EYS: variants seen among roughly 807,000 people sequenced by gnomAD.
EYS encodes protein eyes shut homolog.
In EYS, 250 loss-of-function variants were observed where a neutral mutation model predicts 282.1. The ratio of observed to expected loss-of-function variants is 0.89; its 90% confidence interval spans 0.80 to 0.98. The LOEUF (loss-of-function observed/expected upper bound fraction) is 0.98. Among genes scored for constraint, EYS ranks in the 50% least tolerant of loss-of-function variants. The pLI is 0.00. For missense variants in EYS, 4,016 were observed against 3,709.0 expected (o/e 1.08, Z -2.15); for synonymous variants, 1,355 against 1,282.9 (o/e 1.06, Z -1.20).
Position 63,806,384 on chromosome 6 carries a change from C to A in EYS, c.7229-12G>T, listed in dbSNP as rs1770909927. The A allele has an allele frequency of 2.0e-6, 3 of 1,518,776 alleles. No homozygotes were observed. Among genetic ancestry groups the A allele is most frequent in the Non-Finnish European group, 2.7e-6 (3 of 1,129,210 alleles). The allele number at this position is 1,518,776 out of a possible 1,614,324, so 94.1% of individuals were successfully genotyped here. On this transcript the variant is annotated splice_polypyrimidine_tract_variant and intron_variant, in intron 36 of 42. Coordinates refer to ENST00000503581, the MANE Select transcript of EYS (RefSeq NM_001142800.2). ...AGTAATATTAATAGCTGTGAAAAAA[C>A]CCAAACCAAACAGTTAAAATAAACC...
intron 12 of EYS, among the ~76,000 whole-genome samples, chr6:65,177,467 C>T (rs149730455): frequency 6.6e-6 from 1 of 151,802 alleles, no homozygotes; most frequent in African/African-American, 2.4e-5. Flanking sequence ...GCAGTTGAGT[C>T]TTTTACTATA....
At chr6:65,554,307 T>C (rs547641921) in intron 2 of EYS, among the ~76,000 whole-genome samples, 3 of 152,322 alleles carry the variant, frequency 2.0e-5, no homozygotes, top group Admixed American at 6.5e-5. Context: ...TTCTAACACC[T>C]ATCAAGCAAT....
At chr6:65,357,078 T>C (rs1464511477) in intron 8 of EYS, among the ~76,000 whole-genome samples, 3 of 152,046 alleles carry the variant, frequency 2.0e-5, no homozygotes, top group Non-Finnish European at 4.4e-5. Flanking sequence ...GTATTACAAC[T>C]GAGCCATTAA....
intron 2 of EYS, among the ~76,000 whole-genome samples, chr6:65,541,645 T>C (rs937877750): frequency 6.7e-6 from 1 of 149,492 alleles, no homozygotes; most frequent in Non-Finnish European, 1.5e-5. Flanking sequence ...ACTAGATGCA[T>C]AACATTTTTC....
At chr6:64,686,925 A>G (rs1375422730) in intron 22 of EYS, among the ~76,000 whole-genome samples, 1 of 143,994 alleles carries the variant, frequency 6.9e-6, no homozygotes, top group Non-Finnish European at 1.5e-5. Flanking sequence ...ACATATATAT[A>G]CGTATATATA....
At chr6:65,017,561 T>C (rs987953150) in intron 13 of EYS, among the ~76,000 whole-genome samples, 1 of 152,206 alleles carries the variant, frequency 6.6e-6, no homozygotes, top group East Asian at 1.9e-4. Context: ...CCCGCCAGTA[T>C]CAGCTAAGCT....
chr6:64,451,697 G>T (rs1269838680), intron 26 of EYS, among the ~76,000 whole-genome samples: 1 of 152,186 alleles, frequency 6.6e-6, no homozygotes, highest in Non-Finnish European at 1.5e-5. Flanking sequence ...ATGCAAGGCT[G>T]GTTCAACATA....
At chr6:64,296,411 A>G (rs1768989286) in intron 30 of EYS, among the ~76,000 whole-genome samples, 1 of 151,940 alleles carries the variant, frequency 6.6e-6, no homozygotes, top group Admixed American at 6.6e-5. Context: ...TTTTCATAAA[A>G]CATGCTATGC....
chr6:64,128,433 A>G (rs977180101), intron 31 of EYS, among the ~76,000 whole-genome samples: 3 of 152,168 alleles, frequency 2.0e-5, no homozygotes, highest in Non-Finnish European at 4.4e-5. Context: ...CAACAATGCT[A>G]AAGGAAGATA....
rs565450489 is a variant in EYS at position 65,180,186 on chromosome 6, C to G, written c.2023+115677G>C. Among the ~76,000 whole-genome samples the G allele has an allele frequency of 1.2e-4, 19 of 152,046 alleles. No homozygotes were observed. In the South Asian group the frequency reaches 3.7e-3, roughly 30 times the overall value. ...TCTCTCACCACTCCTATTCAACATA[C>G]TGTTGGAAGTTCTGGCCAGGGAAGT... On this transcript the variant is annotated intron_variant, in intron 12 of 42. Coordinates refer to ENST00000503581, the MANE Select transcript of EYS (RefSeq NM_001142800.2).
At chr6:65,015,228 C>A (rs530905571) in intron 13 of EYS, among the ~76,000 whole-genome samples, 1 of 152,218 alleles carries the variant, frequency 6.6e-6, no homozygotes, top group African/African-American at 2.4e-5. Flanking sequence ...CAAAAACTGC[C>A]AGTTAAATTC....
chr6:64,290,140 A>G, intron 30 of EYS, among the ~76,000 whole-genome samples: 1 of 152,082 alleles, frequency 6.6e-6, no homozygotes, highest in East Asian at 1.9e-4. Flanking sequence ...GCACTAAATG[A>G]CTTCTGCTCT....
In EYS at chr6:64,653,730, A is replaced by ATT. The variant is rs10680654; in HGVS notation, c.3444-27487_3444-27486dup. ...CAGGCTCATACCACCATGCCCAGCT[A>ATT]TTTTTTTTTTTTTTGGTAGAGATGA... is the stretch of plus-strand genomic sequence containing the variant. On this transcript the variant is annotated intron_variant, in intron 22 of 42. Coordinates refer to ENST00000503581, the MANE Select transcript of EYS (RefSeq NM_001142800.2). Among the ~76,000 whole-genome samples, 66 of 136,904 alleles carry ATT rather than the reference A, an allele frequency of 4.8e-4. 2 individuals are homozygous for ATT. Among genetic ancestry groups the ATT allele is most frequent in the African/African-American group, 1.4e-3 (50 of 36,496 alleles). The allele number at this position is 136,904 out of a possible 152,430, so 89.8% of individuals were successfully genotyped here. A position where few individuals can be genotyped will look rare whatever the true frequency, so the allele number is the denominator to read the frequency against.
chr6:65,634,614 T>G (rs915277350), intron 2 of EYS, among the ~76,000 whole-genome samples: 2 of 152,246 alleles, frequency 1.3e-5, no homozygotes, highest in African/African-American at 4.8e-5. Flanking sequence ...CAAACTTGAC[T>G]TCTGCAAAAC....
At chr6:65,570,188 TTCC>T (rs1254172650) in intron 2 of EYS, among the ~76,000 whole-genome samples, 1 of 152,094 alleles carries the variant, frequency 6.6e-6, no homozygotes, top group Non-Finnish European at 1.5e-5. Context: ...GGGGATAGAT[TTCC>T]TCCTCCAATT....
rs1774031343 is a variant in EYS, at chr6:64,786,649, G to A, written c.3443+26729C>T. ...TCATATTAGGTAATTTCTAATTGCT[G>A]ATGTTGATTCTCAGTCCAGGTTTAC... On this transcript the variant is annotated intron_variant, in intron 22 of 42. Coordinates refer to ENST00000503581, the MANE Select transcript of EYS (RefSeq NM_001142800.2). Among the ~76,000 whole-genome samples, 3 of 152,166 alleles carry A rather than the reference G, an allele frequency of 2.0e-5. No homozygotes were observed. The South Asian group carries it at 6.2e-4, about 32-fold the overall frequency.
At chr6:64,737,169 C>T (rs1350863086) in intron 22 of EYS, among the ~76,000 whole-genome samples, 1 of 152,142 alleles carries the variant, frequency 6.6e-6, no homozygotes, top group Non-Finnish European at 1.5e-5. Flanking sequence ...TTATAATAAT[C>T]CACTGTGATA....
intron 33 of EYS, among the ~76,000 whole-genome samples, chr6:64,039,996 G>C (rs1330336171): frequency 6.6e-6 from 1 of 152,088 alleles, no homozygotes; most frequent in Non-Finnish European, 1.5e-5. Context: ...GAAATAGATG[G>C]AAAGAAGAAA....
At chr6:64,445,193 A>G (rs952291861) in intron 26 of EYS, among the ~76,000 whole-genome samples, 4 of 152,192 alleles carry the variant, frequency 2.6e-5, no homozygotes, top group Admixed American at 1.3e-4. Context: ...GGTGTTTTCT[A>G]TTTAAATATA....
Sources: allele counts gnomAD v4.1 joint callset (sites outside exome capture counted in the v4.1 genomes callset), GRCh38; gene constraint gnomAD v4.1.1; transcripts MANE v1.5; gene names NCBI Gene and HGNC (gene_info 2026-07-23, HGNC 2026-07-21).